Variants in RAB4A observed in about 807,000 individuals in gnomAD.
RAB4A encodes ras-related protein Rab-4A.
In RAB4A, 20 loss-of-function variants were observed where a neutral mutation model predicts 34.5. The observed-to-expected ratio is 0.58, with a 90% CI of 0.41 to 0.84. The LOEUF is 0.84. Ranked by LOEUF, RAB4A falls within the 40% of genes least tolerant of loss-of-function variation. The probability of loss-of-function intolerance (pLI) is 0.00; values close to 1 mark genes in which losing one functional copy is unlikely to be tolerated. For missense variants in RAB4A, 228 were observed against 274.5 expected, an observed-to-expected ratio of 0.83 and a Z score of 1.20; for synonymous variants, 102 against 100.0, an observed-to-expected ratio of 1.02 and a Z score of -0.12.
At chr1:229,297,766 G>C (rs1657286218) in intron 5 of RAB4A, 130 bp downstream of exon 5, 2 of 1,077,032 alleles carry the variant, frequency 1.9e-6, no homozygotes, top group Non-Finnish European at 2.6e-6. Flanking sequence ...ATTTCCAATT[G>C]TTTTTTTCTA....
intron 3 of RAB4A, among the ~76,000 whole-genome samples, chr1:229,292,138 A>T (rs932246385): frequency 4.0e-5 from 6 of 151,898 alleles, no homozygotes; most frequent in African/African-American, 1.5e-4. Context: ...TAGCGGTTGC[A>T]GCACACCAGC....
At chr1:229,289,185 A>T (rs1371421779) in intron 3 of RAB4A, 1 of 190,126 alleles carries the variant, frequency 5.3e-6, no homozygotes, top group Non-Finnish European at 1.1e-5. Context: ...TTTTTTAAAG[A>T]AGAACTTTTT....
At chr1:229,284,945 C>G (rs1656885015) in intron 1 of RAB4A, among the ~76,000 whole-genome samples, 2 of 152,096 alleles carry the variant, frequency 1.3e-5, no homozygotes, top group African/African-American at 2.4e-5. Flanking sequence ...TGGTAATCTC[C>G]AGGTTTTATT....
chr1:229,289,264 A>T (rs1041669631), intron 3 of RAB4A: 1 of 160,806 alleles, frequency 6.2e-6, no homozygotes, highest in Non-Finnish European at 1.3e-5. Context: ...TACACACTCC[A>T]CAAAATATTC....
At chr1:229,282,662 C>A (rs374072683) in intron 1 of RAB4A, among the ~76,000 whole-genome samples, 14 of 152,282 alleles carry the variant, frequency 9.2e-5, no homozygotes, top group Admixed American at 5.2e-4. Flanking sequence ...GATACTTTAT[C>A]ATTTTGTCAT....
chr1:229,297,533 A>G lies in RAB4A; in HGVS notation c.342A>G (p.Leu114=). 6.2e-7 allele frequency: 1 copy of G among 1,612,466 alleles called. No homozygotes were observed. Among genetic ancestry groups the G allele is most frequent in the South Asian group, 1.1e-5 (1 of 90,544 alleles). The change falls in exon 5 of 8, where the codon CTA becomes CTG. Residue 114 remains leucine (L), a synonymous_variant. Transcript: ENST00000366690. Reference sequence around the variant, plus strand: ...ATTGGTTAACAGATGCCCGAATGCTAGCGAGCCAGAACATTGTGATCATCC... The same window carrying G: ...ATTGGTTAACAGATGCCCGAATGCTGGCGAGCCAGAACATTGTGATCATCC... ...LTNWLTDARM[L]ASQNIVIILC...
chr1:229,298,549 T>C (rs1657302546), intron 5 of RAB4A, among the ~76,000 whole-genome samples: 1 of 152,240 alleles, frequency 6.6e-6, no homozygotes, highest in Non-Finnish European at 1.5e-5. Context: ...ATGGGCTGTA[T>C]GACAGATTGC....
chr1:229,286,499 G>A lies in RAB4A; in HGVS notation c.45G>A (p.Lys15=). ...AMSETYDFLF[K]FLVIGNAGTG... Reference sequence around the variant, plus strand: ...TTTATCTTTCAGATTTTTTGTTTAAGTTCTTGGTTATTGGAAATGCAGGAA... The same window carrying A: ...TTTATCTTTCAGATTTTTTGTTTAAATTCTTGGTTATTGGAAATGCAGGAA... The change falls in exon 2 of 8, where the codon AAG becomes AAA. Residue 15 remains lysine, a synonymous_variant. Coordinates refer to ENST00000366690, the MANE Select transcript of RAB4A (RefSeq NM_004578.4). 6.4e-7 allele frequency: 1 copy of A among 1,574,544 alleles called. No homozygotes were observed. Among genetic ancestry groups the A allele is most frequent in the East Asian group, 2.3e-5 (1 of 43,620 alleles).
rs1302340478 is a variant in RAB4A, at chr1:229,302,291, ATATATATATATATATATATTTTT to A, written c.542-569_542-547del. On this transcript the variant is annotated intron_variant, in intron 6 of 7. Coordinates refer to ENST00000366690, the MANE Select transcript of RAB4A (RefSeq NM_004578.4). ...TATATATATATATATATATATATAT[ATATATATATATATATATATTTTT>A]TTTTTTTTTTTACATGTGCATGAGT... is the stretch of plus-strand genomic sequence containing the variant. Among the ~76,000 whole-genome samples, 30 of 23,060 alleles carry A rather than the reference ATATATATATATATATATATTTTT, an allele frequency of 1.3e-3. 1 individual carries two copies. The highest frequency in any genetic ancestry group is 8.2e-3 in the Admixed American group (19 of 2,324). The allele number at this position is 23,060 out of a possible 152,430, so 15.1% of individuals were successfully genotyped here. A position where few individuals can be genotyped will look rare whatever the true frequency, so the allele number is the denominator to read the frequency against.
intron 3 of RAB4A, among the ~76,000 whole-genome samples, chr1:229,295,499 A>G (rs76772314): frequency 0.011 from 1,611 of 152,176 alleles, 28 homozygotes; most frequent in African/African-American, 0.037. Context: ...AGTGGGGTAG[A>G]TGAGGAGCTC....
At chr1:229,275,144 G>A (rs1484659933) in intron 1 of RAB4A, among the ~76,000 whole-genome samples, 2 of 152,186 alleles carry the variant, frequency 1.3e-5, no homozygotes, top group Admixed American at 1.3e-4. Context: ...GGTCTTTGCA[G>A]ATGTAATCAA....
intron 3 of RAB4A, among the ~76,000 whole-genome samples, chr1:229,291,155 A>G (rs1657058734): frequency 6.6e-6 from 1 of 152,248 alleles, no homozygotes; most frequent in Admixed American, 6.5e-5. Flanking sequence ...CTCAGGGTGA[A>G]ATAATTCTTC....
chr1:229,304,356 G>T lies in RAB4A; in HGVS notation c.*563G>T, dbSNP rs528345509. The stretch of plus-strand genomic sequence containing the variant: ...GATCCACACTTGAAATACTAGATCA[G>T]TAGACATTCACTAATATACCAAAAT... On this transcript the variant is annotated 3_prime_UTR_variant, in exon 8 of 8. Transcript: ENST00000366690. 2 of 152,166 alleles carry T rather than the reference G, an allele frequency of 1.3e-5. No homozygotes were observed. The highest frequency in any genetic ancestry group is 4.2e-4 in the South Asian group (2 of 4,812). 9.4% of individuals were successfully genotyped at this position (152,166 alleles called of 1,614,324 possible). A position where few individuals can be genotyped will look rare whatever the true frequency, so the allele number is the denominator to read the frequency against.
rs965218400 is a variant in RAB4A, at chr1:229,271,205, G to A, written c.-135G>A. 9 of 882,936 alleles carry A rather than the reference G, an allele frequency of 1.0e-5. No individual in the cohort carries two copies. Among genetic ancestry groups the A allele is most frequent in the Admixed American group, 4.6e-5 (1 of 21,976 alleles). 54.7% of individuals were successfully genotyped at this position (882,936 alleles called of 1,614,324 possible). A position where few individuals can be genotyped will look rare whatever the true frequency, so the allele number is the denominator to read the frequency against. On this transcript the variant is annotated 5_prime_UTR_variant, in exon 1 of 8. Coordinates refer to ENST00000366690, the MANE Select transcript of RAB4A (RefSeq NM_004578.4). Reference sequence around the variant, plus strand: ...GCTGGGCCGCAGCCGCTGGGAGACCGGCGGTTGCCGTGGGGACCGGTCGGG... The same window carrying A: ...GCTGGGCCGCAGCCGCTGGGAGACCAGCGGTTGCCGTGGGGACCGGTCGGG...
In RAB4A at chr1:229,297,545, C is replaced by A; in HGVS notation, c.354C>A (p.Asn118Lys). The change falls in exon 5 of 8, where the codon AAC becomes AAA. Residue 118 changes from asparagine to lysine, a missense_variant. Transcript: ENST00000366690. ...LTDARMLASQ[N>K]IVIILCGNKK... is the part of the protein sequence containing the mutation. Reference sequence around the variant, plus strand: ...ATGCCCGAATGCTAGCGAGCCAGAACATTGTGATCATCCTTTGTGGAAACA... The same window carrying A: ...ATGCCCGAATGCTAGCGAGCCAGAAAATTGTGATCATCCTTTGTGGAAACA... The A allele has an allele frequency of 6.2e-7, 1 of 1,613,220 alleles. No individual in the cohort carries two copies. The highest frequency in any genetic ancestry group is 1.1e-5 in the South Asian group (1 of 90,834).
chr1:229,291,286 CT>C (rs1365012282), intron 3 of RAB4A, among the ~76,000 whole-genome samples: 2 of 152,290 alleles, frequency 1.3e-5, no homozygotes, highest in East Asian at 3.9e-4. Flanking sequence ...TAGAAATGTA[CT>C]TTCTTAGAAA....
chr1:229,274,738 G>A (rs572061564), intron 1 of RAB4A, among the ~76,000 whole-genome samples: 4 of 152,360 alleles, frequency 2.6e-5, no homozygotes, highest in Non-Finnish European at 1.5e-5. Flanking sequence ...TCAGAAAGGA[G>A]CTGAAAAGTA....
intron 3 of RAB4A, chr1:229,289,338 T>C (rs1447703127): frequency 6.5e-6 from 1 of 152,818 alleles, no homozygotes; most frequent in Non-Finnish European, 1.5e-5. Flanking sequence ...TCACTGCAAA[T>C]GAGGTTACAT....
rs556382535 is a variant in RAB4A at position 229,301,789 on chromosome 1, G to T, written c.542-1073G>T. ...AATGTATCATATGATAGACTACCACGCCTTGCTTTTTTACTTACTATTGTA... is the reference window on the plus strand; with the variant it reads ...AATGTATCATATGATAGACTACCACTCCTTGCTTTTTTACTTACTATTGTA... On this transcript the variant is annotated intron_variant, in intron 6 of 7. Coordinates refer to ENST00000366690, the MANE Select transcript of RAB4A (RefSeq NM_004578.4). Among the ~76,000 whole-genome samples the T allele has an allele frequency of 5.9e-5, 9 of 151,508 alleles. No individual in the cohort carries two copies. The South Asian group carries it at 1.7e-3, about 28-fold the overall frequency.
Sources: gnomAD v4.1 joint callset for allele counts (sites outside exome capture counted in the v4.1 genomes callset) on GRCh38, gnomAD v4.1.1 for gene constraint, MANE v1.5 for transcripts, NCBI Gene and HGNC (gene_info 2026-07-23, HGNC 2026-07-21) for gene names.